FILIP1: variants seen among roughly 807,000 people sequenced by gnomAD.
FILIP1 encodes the protein filamin-A-interacting protein 1.
A neutral mutation model predicts 102.1 loss-of-function variants in FILIP1; 61 were observed. The observed-to-expected ratio is 0.60, with a 90% CI of 0.49 to 0.74. The LOEUF is 0.74. Ranked by LOEUF, FILIP1 falls within the 30% of genes least tolerant of loss-of-function variation. FILIP1 has a pLI of 0.00. For missense variants in FILIP1, 1,314 were observed against 1,441.2 expected, an observed-to-expected ratio of 0.91 and a Z score of 1.43; for synonymous variants, 491 against 526.9, an observed-to-expected ratio of 0.93 and a Z score of 0.93.
chr6:75,491,732 C>T (rs998849809), intron 1 of FILIP1, among the ~76,000 whole-genome samples: 2 of 152,204 alleles, frequency 1.3e-5, no homozygotes, highest in Admixed American at 6.5e-5. Flanking sequence ...TGGAGGAAAC[C>T]GTGTTGTTTA....
chr6:75,358,987 C>T (rs1447158699), intron 3 of FILIP1, among the ~76,000 whole-genome samples: 1 of 148,510 alleles, frequency 6.7e-6, no homozygotes, highest in Non-Finnish European at 1.5e-5. Flanking sequence ...GGATTACAGG[C>T]GTGAGCCACT....
chr6:75,395,877 T>TTTTTATTTGA (rs1384970970), intron 2 of FILIP1, among the ~76,000 whole-genome samples: 10 of 152,264 alleles, frequency 6.6e-5, no homozygotes, highest in Admixed American at 4.6e-4. Context: ...AATAATTGAA[T>TTTTTATTTGA]AAGCTTTTAA....
At chr6:75,469,877 C>T (rs1779280471) in intron 1 of FILIP1, among the ~76,000 whole-genome samples, 1 of 152,016 alleles carries the variant, frequency 6.6e-6, no homozygotes, top group Non-Finnish European at 1.5e-5. Flanking sequence ...ATGTGATACA[C>T]TCGTGTGTGC....
intron 2 of FILIP1, among the ~76,000 whole-genome samples, chr6:75,387,247 C>A (rs1321388545): frequency 6.6e-6 from 1 of 152,072 alleles, no homozygotes; most frequent in Non-Finnish European, 1.5e-5. Flanking sequence ...ATGTGCCACA[C>A]TTTCTTTTTC....
intron 1 of FILIP1, among the ~76,000 whole-genome samples, chr6:75,423,944 A>C (rs578247982): frequency 6.6e-6 from 1 of 152,340 alleles, no homozygotes; most frequent in South Asian, 2.1e-4. Flanking sequence ...ATTTTGATTA[A>C]TAAAGATGTG....
At chr6:75,430,651 G>T (rs916619679) in intron 1 of FILIP1, among the ~76,000 whole-genome samples, 1 of 152,346 alleles carries the variant, frequency 6.6e-6, no homozygotes, top group East Asian at 1.9e-4. Context: ...ACATGCTTTA[G>T]TAGTGGTCTC....
chr6:75,310,171 T>G (rs533176441), intron 5 of FILIP1, among the ~76,000 whole-genome samples: 7 of 152,248 alleles, frequency 4.6e-5, no homozygotes, highest in Admixed American at 4.6e-4. Flanking sequence ...TCCTTCACAC[T>G]GTCGTGCCTT....
intron 1 of FILIP1, among the ~76,000 whole-genome samples, chr6:75,463,955 T>C (rs1400126347): frequency 6.6e-6 from 1 of 152,184 alleles, no homozygotes. Context: ...TATGCTTCTG[T>C]GGCTTTTAAA....
downstream of FILIP1, among the ~76,000 whole-genome samples, chr6:75,307,079 A>G (rs867466340): frequency 3.9e-5 from 6 of 152,332 alleles, no homozygotes; most frequent in African/African-American, 1.2e-4. Flanking sequence ...CTGGGATTAC[A>G]GGCATGAGCC....
At chr6:75,305,144 G>T (rs78174009), downstream of FILIP1, among the ~76,000 whole-genome samples, 1 of 152,070 alleles carries the variant, frequency 6.6e-6, no homozygotes, top group Non-Finnish European at 1.5e-5. Flanking sequence ...ATCCAGGTTG[G>T]GAAAATTTGG....
At chr6:75,414,478 G>A (rs1024629824) in intron 2 of FILIP1, among the ~76,000 whole-genome samples, 1 of 152,094 alleles carries the variant, frequency 6.6e-6, no homozygotes. Flanking sequence ...TGCTTCTAGA[G>A]AAGTTTGAAG....
intron 4 of FILIP1, among the ~76,000 whole-genome samples, chr6:75,325,459 CCA>C (rs1292465188): frequency 6.6e-6 from 1 of 152,052 alleles, no homozygotes; most frequent in Admixed American, 6.6e-5. Context: ...AGTAAACATC[CCA>C]CAGAGTGGGA....
At chr6:75,458,799 G>C (rs1279876950) in intron 1 of FILIP1, 1 of 151,962 alleles carries the variant, frequency 6.6e-6, no homozygotes, top group Non-Finnish European at 1.5e-5. Flanking sequence ...GAGCTACAAA[G>C]ATAAATTGTT....
exon 7 of FILIP1, chr6:75,293,856 A>G (rs528326542): frequency 1.3e-5 from 2 of 152,198 alleles, no homozygotes; most frequent in Non-Finnish European, 2.9e-5. Context: ...AAAATATAAC[A>G]GTACTAACTA....
intron 4 of FILIP1, among the ~76,000 whole-genome samples, chr6:75,340,405 C>A (rs1562478571): frequency 6.6e-6 from 1 of 152,036 alleles, no homozygotes; most frequent in Non-Finnish European, 1.5e-5. Context: ...CCAGCGTTTA[C>A]AAATAAAGTA....
At chr6:75,368,872 C>T (rs1346495225) in intron 2 of FILIP1, among the ~76,000 whole-genome samples, 2 of 152,138 alleles carry the variant, frequency 1.3e-5, no homozygotes, top group East Asian at 1.9e-4. Flanking sequence ...GTCAGATTTG[C>T]GTGCTGGAAA....
At chr6:75,384,432 C>T (rs1422111964) in intron 2 of FILIP1, among the ~76,000 whole-genome samples, 2 of 152,148 alleles carry the variant, frequency 1.3e-5, no homozygotes, top group Non-Finnish European at 2.9e-5. Context: ...ATCTCTCTTC[C>T]TCCCCCTCTT....
chr6:75,484,127 G>A (rs148214002), intron 1 of FILIP1, among the ~76,000 whole-genome samples: 1,992 of 152,092 alleles, frequency 0.013, 21 homozygotes, highest in Middle Eastern at 0.044. Flanking sequence ...ACTGAGGTGC[G>A]GTCATAGAAA....
chr6:75,459,297 G>A (rs781645170), intron 1 of FILIP1, among the ~76,000 whole-genome samples: 95 of 152,146 alleles, frequency 6.2e-4, no homozygotes, highest in Non-Finnish European at 1.2e-3. Flanking sequence ...TTAAAACGCA[G>A]TATTAAAAAT....
Sources: allele counts gnomAD v4.1 joint callset (sites outside exome capture counted in the v4.1 genomes callset), GRCh38; gene constraint gnomAD v4.1.1; transcripts MANE v1.5; gene names NCBI Gene and HGNC (gene_info 2026-07-23, HGNC 2026-07-21).